The following DOCK8 variants were observed in gnomAD, a reference collection of about 807,000 sequenced individuals.
The protein encoded by DOCK8 is dedicator of cytokinesis 8, also known as dedicator of cytokinesis protein 8.
Under a neutral mutation model 245.6 loss-of-function variants are expected in DOCK8, and 141 were observed. That is an observed-to-expected ratio of 0.57 (90% CI 0.50 to 0.66). The LOEUF (loss-of-function observed/expected upper bound fraction) is 0.66, where lower values mean the gene tolerates loss of function less well. Ranked by LOEUF, DOCK8 falls within the 30% of genes least tolerant of loss-of-function variation. DOCK8 has a pLI of 0.00. For missense variants in DOCK8, 2,965 were observed against 2,603.4 expected (o/e 1.14, Z -3.02); for synonymous variants, 1,168 against 970.2 (o/e 1.20, Z -3.79).
intron 4 of DOCK8, among the ~76,000 whole-genome samples, chr9:296,651 C>A (rs1563889167): frequency 6.6e-6 from 1 of 152,182 alleles, no homozygotes; most frequent in South Asian, 2.1e-4. Context: ...TCCCAGAACA[C>A]CATAAAAATG....
At chr9:319,232 A>G (rs892017457) in intron 7 of DOCK8, among the ~76,000 whole-genome samples, 4 of 152,212 alleles carry the variant, frequency 2.6e-5, no homozygotes, top group Non-Finnish European at 5.9e-5. Context: ...GCAGTGAGCT[A>G]TGATCATGCC....
chr9:463,828 T>A, intron 47 of DOCK8, 141 bp downstream of exon 47: 1 of 995,760 alleles, frequency 1.0e-6, no homozygotes, highest in Non-Finnish European at 1.5e-6. Context: ...TCAGAGAGGC[T>A]ACCAGAGTGT....
intron 4 of DOCK8, among the ~76,000 whole-genome samples, chr9:299,545 G>A (rs1317469414): frequency 2.6e-5 from 4 of 152,068 alleles, no homozygotes; most frequent in Non-Finnish European, 5.9e-5. Flanking sequence ...TTACAGGTGT[G>A]AGCCACTGCA....
chr9:288,929 C>T (rs907961183), intron 3 of DOCK8, among the ~76,000 whole-genome samples: 1 of 152,138 alleles, frequency 6.6e-6, no homozygotes, highest in African/African-American at 2.4e-5. Context: ...AAAAGCTTTG[C>T]TACAATTGTT....
At chr9:416,320 C>G (rs1362020875) in intron 29 of DOCK8, among the ~76,000 whole-genome samples, 1 of 152,198 alleles carries the variant, frequency 6.6e-6, no homozygotes, top group Non-Finnish European at 1.5e-5. Flanking sequence ...TTTGAGAATC[C>G]TTGATGGCAA....
intron 13 of DOCK8, 109 bp from the exon 14 acceptor site, chr9:340,050 C>CTA: frequency 7.6e-7 from 1 of 1,313,924 alleles, no homozygotes; most frequent in South Asian, 1.2e-5. Flanking sequence ...TTTTACAGTA[C>CTA]TATAGTTTGT....
chr9:258,133 G>A (rs1280447836), intron 1 of DOCK8, among the ~76,000 whole-genome samples: 2 of 152,148 alleles, frequency 1.3e-5, no homozygotes, highest in African/African-American at 4.8e-5. Context: ...CACAAAGAAG[G>A]AGGAAGTTAG....
At chr9:314,165 T>C (rs998458633) in intron 6 of DOCK8, 2 of 152,254 alleles carry the variant, frequency 1.3e-5, no homozygotes, top group Admixed American at 6.5e-5. Flanking sequence ...GAAATCCAAA[T>C]ATGATATTTT....
At position 405,014 on chromosome 9, in the gene DOCK8, C is replaced by G; in HGVS notation, c.3331C>G (p.Leu1111Val). 2 of 1,613,424 alleles carry G rather than the reference C, an allele frequency of 1.2e-6. No individual in the cohort carries two copies. The highest frequency in any genetic ancestry group is 1.7e-6 in the Non-Finnish European group (2 of 1,179,596). ...CCATGAGCATTACCTCAATCTGAAC[C>G]TTTTTTTTATGAATGCTGATACTGC... ...CSHEHYLNLN[L>V]FFMNADTAPT... The change falls in exon 27 of 48, where the codon CTT becomes GTT. Residue 1111 changes from leucine to valine, a missense_variant. Leu to Val is a conservative substitution (Grantham distance 32). Transcript: ENST00000432829.
At chr9:259,070 G>A (rs1346225631) in intron 1 of DOCK8, among the ~76,000 whole-genome samples, 1 of 152,148 alleles carries the variant, frequency 6.6e-6, no homozygotes, top group Admixed American at 6.5e-5. Flanking sequence ...AATTTGGGAG[G>A]CTGAGGCAGG....
chr9:420,016 A>T, intron 30 of DOCK8: 1 of 316,252 alleles, frequency 3.2e-6, no homozygotes, highest in South Asian at 3.0e-5. Flanking sequence ...GCTGCCCAGC[A>T]CGAAGGAGAA....
chr9:273,022 C>A (rs2048207025), intron 2 of DOCK8: 6 of 985,382 alleles, frequency 6.1e-6, no homozygotes, highest in Non-Finnish European at 6.0e-6. Context: ...AATTTTGTAA[C>A]CTTCCGCTCA....
intron 1 of DOCK8, among the ~76,000 whole-genome samples, chr9:219,821 C>G (rs887668673): frequency 6.6e-6 from 1 of 152,088 alleles, no homozygotes; most frequent in Non-Finnish European, 1.5e-5. Context: ...CACTCGAACC[C>G]AGGAAGTTGA....
intron 14 of DOCK8, among the ~76,000 whole-genome samples, chr9:347,197 C>T (rs2051931810): frequency 6.6e-6 from 1 of 152,110 alleles, no homozygotes; most frequent in South Asian, 2.1e-4. Context: ...AGTTCCTGTA[C>T]CATATGGAGT....
At chr9:401,720 C>T (rs1040185193) in intron 26 of DOCK8, among the ~76,000 whole-genome samples, 1 of 152,124 alleles carries the variant, frequency 6.6e-6, no homozygotes, top group African/African-American at 2.4e-5. Context: ...TACACAGAAA[C>T]AATCTTTGAC....
chr9:266,479 A>T (rs116829386), intron 1 of DOCK8, among the ~76,000 whole-genome samples: 284 of 152,300 alleles, frequency 1.9e-3, no homozygotes, highest in African/African-American at 6.7e-3. Context: ...GCTGACTTAA[A>T]ATACAGTTTT....
chr9:273,998 G>T (rs1335773123), intron 2 of DOCK8, among the ~76,000 whole-genome samples: 2 of 152,098 alleles, frequency 1.3e-5, no homozygotes, highest in African/African-American at 2.4e-5. Context: ...GAGCCACCAT[G>T]CCCGGCCACC....
chr9:415,049 T>A, intron 29 of DOCK8, 98 bp downstream of exon 29: 2 of 1,490,864 alleles, frequency 1.3e-6, no homozygotes, highest in Non-Finnish European at 1.9e-6. Flanking sequence ...TGCTGATATG[T>A]TCATATGAGC....
intron 26 of DOCK8, among the ~76,000 whole-genome samples, chr9:402,701 G>C (rs1258803969): frequency 6.6e-6 from 1 of 152,108 alleles, no homozygotes; most frequent in Admixed American, 6.5e-5. Context: ...TATAACCTTA[G>C]TCTTTTTTAA....
Sources: allele counts gnomAD v4.1 joint callset (sites outside exome capture counted in the v4.1 genomes callset), GRCh38; gene constraint gnomAD v4.1.1; transcripts MANE v1.5; gene names NCBI Gene and HGNC (gene_info 2026-07-23, HGNC 2026-07-21).